FRMD3: variants seen among roughly 807,000 people sequenced by gnomAD.
The protein encoded by FRMD3 is FERM domain containing 3, also known as FERM domain-containing protein 3.
In FRMD3, 33 loss-of-function variants were observed where a neutral mutation model predicts 70.2. The observed-to-expected ratio is 0.47, with a 90% CI of 0.36 to 0.63. The LOEUF (loss-of-function observed/expected upper bound fraction) is 0.63. Ranked by LOEUF, FRMD3 falls within the 20% of genes least tolerant of loss-of-function variation. The pLI, the probability that FRMD3 is intolerant of heterozygous loss-of-function variation, is 0.00. For synonymous variants in FRMD3, 279 were observed against 255.9 expected, an observed-to-expected ratio of 1.09 and a Z score of -0.86; for missense variants, 632 against 711.4, an observed-to-expected ratio of 0.89 and a Z score of 1.27.
At chr9:83,442,358 A>G (rs1309873938) in intron 1 of FRMD3, among the ~76,000 whole-genome samples, 1 of 151,222 alleles carries the variant, frequency 6.6e-6, no homozygotes, top group Non-Finnish European at 1.5e-5. Context: ...CCTGGGTTCA[A>G]GCAATTCTCC....
chr9:83,363,614 C>T lies in FRMD3; in HGVS notation c.295+9299G>A, dbSNP rs1052333198. On this transcript the variant is annotated intron_variant, in intron 3 of 13. Transcript: ENST00000304195. ...TGTCGCCCAGGCTGGAGTGCAGTGG[C>T]GCGATCTTGGCTCACTGCAGGCTCC... 5.3e-5 allele frequency among the ~76,000 whole-genome samples: 7 copies of T among 132,916 alleles called. No individual in the cohort carries two copies. The East Asian group carries it at 1.3e-3, about 26-fold the overall frequency. 87.2% of individuals were successfully genotyped at this position (132,916 alleles called of 152,430 possible). A position where few individuals can be genotyped will look rare whatever the true frequency, so the allele number is the denominator to read the frequency against.
intron 1 of FRMD3, among the ~76,000 whole-genome samples, chr9:83,436,445 TTTAA>T (rs1033335698): frequency 2.7e-5 from 4 of 147,152 alleles, no homozygotes; most frequent in African/African-American, 5.2e-5. Context: ...TTTGCCAAAT[TTTAA>T]TTAATAAGAT....
intron 3 of FRMD3, among the ~76,000 whole-genome samples, chr9:83,355,067 A>G (rs548145971): frequency 2.2e-4 from 33 of 152,272 alleles, no homozygotes; most frequent in African/African-American, 7.9e-4. Flanking sequence ...GCCTTCTCAG[A>G]TGCAACATGG....
intron 6 of FRMD3, among the ~76,000 whole-genome samples, chr9:83,331,545 T>C (rs974250967): frequency 2.6e-5 from 4 of 152,194 alleles, no homozygotes; most frequent in Non-Finnish European, 5.9e-5. Flanking sequence ...ATCAAACCCA[T>C]AGAGTGTACA....
intron 13 of FRMD3, among the ~76,000 whole-genome samples, chr9:83,254,044 T>C (rs1215786277): frequency 6.7e-6 from 1 of 148,836 alleles, no homozygotes. Context: ...ATGTTCTCAC[T>C]CATAGGTGGG....
chr9:83,398,413 A>C (rs1410593347), intron 1 of FRMD3, among the ~76,000 whole-genome samples: 1 of 152,216 alleles, frequency 6.6e-6, no homozygotes, highest in Non-Finnish European at 1.5e-5. Context: ...GTAAAGAAAA[A>C]CAAGAATAGA....
intron 6 of FRMD3, among the ~76,000 whole-genome samples, chr9:83,322,840 G>A (rs4468012): frequency 0.22 from 33,530 of 152,030 alleles, 4,306 homozygotes; most frequent in East Asian, 0.4. Context: ...CTCCTCTCTG[G>A]TGAATCCCAG....
chr9:83,426,370 C>A (rs1826811456), intron 1 of FRMD3, among the ~76,000 whole-genome samples: 1 of 152,194 alleles, frequency 6.6e-6, no homozygotes, highest in Non-Finnish European at 1.5e-5. Context: ...GTAAAGATAA[C>A]CGAGGCACAA....
At chr9:83,299,028 G>T in intron 11 of FRMD3, 84 bp downstream of exon 11, 1 of 1,087,662 alleles carries the variant, frequency 9.2e-7, no homozygotes, top group Non-Finnish European at 1.4e-6. Flanking sequence ...CAAGCCAAAG[G>T]CCACTTATTT....
chr9:83,349,576 T>A, intron 4 of FRMD3, 103 bp downstream of exon 4: 1 of 712,992 alleles, frequency 1.4e-6, no homozygotes, highest in Admixed American at 2.7e-5. Flanking sequence ...CTTGCAACAC[T>A]GAGACGGTCA....
In FRMD3 at chr9:83,402,898, C is replaced by CTTTTTTTTTT. The variant is rs559570925; in HGVS notation, c.148-13200_148-13191dup. 1.3e-3 allele frequency among the ~76,000 whole-genome samples: 110 copies of CTTTTTTTTTT among 87,268 alleles called. 1 individual carries two copies. The highest frequency in any genetic ancestry group is 2.4e-3 in the African/African-American group (53 of 22,504). The allele number at this position is 87,268 out of a possible 152,430, so 57.3% of individuals were successfully genotyped here. ...GACTCTCAATTTTCCTTCTTTCTTT[C>CTTTTTTTTTT]TTTTTTTTTTTTTTTTTTTTTTTGA... On this transcript the variant is annotated intron_variant, in intron 1 of 13. Coordinates refer to ENST00000304195, the MANE Select transcript of FRMD3 (RefSeq NM_174938.6).
At chr9:83,417,588 C>T (rs1016061328) in intron 1 of FRMD3, among the ~76,000 whole-genome samples, 4 of 152,120 alleles carry the variant, frequency 2.6e-5, no homozygotes, top group Non-Finnish European at 5.9e-5. Flanking sequence ...GAAGTGCCTG[C>T]AGATATCCAA....
At chr9:83,464,680 G>A (rs906573896) in intron 1 of FRMD3, among the ~76,000 whole-genome samples, 1 of 152,078 alleles carries the variant, frequency 6.6e-6, no homozygotes, top group East Asian at 1.9e-4. Context: ...TTCATTCACT[G>A]TGAGAGGGTC....
Position 83,526,703 on chromosome 9 carries a change from G to A in FRMD3, c.147+11382C>T, listed in dbSNP as rs909200244. 8.6e-5 allele frequency among the ~76,000 whole-genome samples: 13 copies of A among 152,020 alleles called. No homozygotes were observed. The South Asian group carries it at 1.0e-3, about 12-fold the overall frequency. On this transcript the variant is annotated intron_variant, in intron 1 of 13. Coordinates refer to ENST00000304195, the MANE Select transcript of FRMD3 (RefSeq NM_174938.6). ...AACTGACTGCGAGCTCCTTGATGAC[G>A]GCTGATTTTATTTTCTTTTGTATCT...
intron 7 of FRMD3, among the ~76,000 whole-genome samples, chr9:83,312,823 T>G (rs1230366639): frequency 2.0e-5 from 3 of 146,988 alleles, no homozygotes; most frequent in Non-Finnish European, 4.5e-5. Context: ...TGTGTTCTGG[T>G]CAGCAGGTGC....
At chr9:83,430,437 G>A (rs933765986) in intron 1 of FRMD3, among the ~76,000 whole-genome samples, 4 of 152,242 alleles carry the variant, frequency 2.6e-5, no homozygotes, top group East Asian at 1.9e-4. Flanking sequence ...TATATCATGT[G>A]GGTTTAGACA....
chr9:83,418,207 C>T (rs1307507490), intron 1 of FRMD3, among the ~76,000 whole-genome samples: 3 of 152,086 alleles, frequency 2.0e-5, no homozygotes, highest in African/African-American at 7.2e-5. Flanking sequence ...CTCTTCTAGA[C>T]ATCAACCTCG....
chr9:83,263,129 T>A (rs559342425), intron 13 of FRMD3, among the ~76,000 whole-genome samples: 1 of 152,226 alleles, frequency 6.6e-6, no homozygotes, highest in South Asian at 2.1e-4. Context: ...AGCCGTCCTA[T>A]GGTGCTGACA....
intron 1 of FRMD3, among the ~76,000 whole-genome samples, chr9:83,426,303 C>G (rs1348724495): frequency 6.6e-6 from 1 of 152,250 alleles, no homozygotes. Context: ...AGACGAAAAT[C>G]TGTCTGGATT....
Sources: allele counts gnomAD v4.1 joint callset (sites outside exome capture counted in the v4.1 genomes callset), GRCh38; gene constraint gnomAD v4.1.1; transcripts MANE v1.5; gene names NCBI Gene and HGNC (gene_info 2026-07-23, HGNC 2026-07-21).